PTPRD: variants seen among roughly 807,000 people sequenced by gnomAD.
PTPRD encodes the protein protein tyrosine phosphatase receptor type D.
In PTPRD, 34 loss-of-function variants were observed where a neutral mutation model predicts 214.5. The observed-to-expected ratio is 0.16, with a 90% confidence interval of 0.12 to 0.21. The LOEUF is 0.21. PTPRD is among the 10% of genes least tolerant of loss of function. PTPRD has a pLI of 1.00. For missense variants in PTPRD, 2,545 were observed against 2,398.7 expected, an observed-to-expected ratio of 1.06 and a Z score of -1.27; for synonymous variants, 1,128 against 845.7, an observed-to-expected ratio of 1.33 and a Z score of -5.79.
intron 4 of PTPRD, among the ~76,000 whole-genome samples, chr9:9,990,937 C>CTTTT (rs5896359): frequency 2.5e-4 from 35 of 141,664 alleles, no homozygotes; most frequent in East Asian, 6.2e-4. Context: ...GTAAAATAGT[C>CTTTT]TTTTTTTTTT....
intron 43 of PTPRD, among the ~76,000 whole-genome samples, chr9:8,332,444 T>C (rs896916133): frequency 6.6e-6 from 1 of 152,126 alleles, no homozygotes; most frequent in Non-Finnish European, 1.5e-5. Flanking sequence ...CCAACGACTA[T>C]TAGCAAACAA....
intron 7 of PTPRD, among the ~76,000 whole-genome samples, chr9:9,727,256 C>A (rs908472961): frequency 6.6e-6 from 1 of 151,992 alleles, no homozygotes; most frequent in Admixed American, 6.6e-5. Context: ...TCAAGACCAG[C>A]TTGGGCAACA....
chr9:9,674,418 G>GA (rs1326604990), intron 7 of PTPRD, among the ~76,000 whole-genome samples: 1 of 151,306 alleles, frequency 6.6e-6, no homozygotes, highest in East Asian at 1.9e-4. Flanking sequence ...AAGAAAAAAA[G>GA]AAAAAATGGA....
intron 10 of PTPRD, among the ~76,000 whole-genome samples, chr9:9,049,072 C>T (rs226359): frequency 0.98 from 148,513 of 152,310 alleles, 72,520 homozygotes; most frequent in Middle Eastern, 1. Flanking sequence ...ACCAAGCATC[C>T]AATGATCTGG....
chr9:10,482,341 A>G (rs1457998116), intron 2 of PTPRD, among the ~76,000 whole-genome samples: 1 of 152,130 alleles, frequency 6.6e-6, no homozygotes, highest in Non-Finnish European at 1.5e-5. Context: ...ACTGCACTCC[A>G]GCCTGGGCGA....
chr9:10,258,599 C>T (rs1471426577), intron 3 of PTPRD, among the ~76,000 whole-genome samples: 1 of 152,092 alleles, frequency 6.6e-6, no homozygotes, highest in Non-Finnish European at 1.5e-5. Flanking sequence ...AGTGGCAAGC[C>T]AACAATCATC....
intron 5 of PTPRD, among the ~76,000 whole-genome samples, chr9:9,768,112 G>C (rs2098721222): frequency 6.6e-6 from 1 of 152,016 alleles, no homozygotes; most frequent in African/African-American, 2.4e-5. Flanking sequence ...AAATCCCCTA[G>C]GCCAACTTCT....
At chr9:9,138,172 T>C (rs553362122) in intron 10 of PTPRD, among the ~76,000 whole-genome samples, 35 of 152,136 alleles carry the variant, frequency 2.3e-4, no homozygotes, top group Admixed American at 8.5e-4. Context: ...ACACTGTACC[T>C]AAAAACTTCC....
At chr9:8,568,360 G>A (rs1473233853) in intron 14 of PTPRD, among the ~76,000 whole-genome samples, 3 of 152,048 alleles carry the variant, frequency 2.0e-5, no homozygotes, top group East Asian at 3.9e-4. Flanking sequence ...TCAAGGCAAT[G>A]TGACAGCAAC....
At chr9:9,954,493 C>T (rs73404505) in intron 4 of PTPRD, among the ~76,000 whole-genome samples, 3,675 of 151,606 alleles carry the variant, frequency 0.024, 146 homozygotes, top group African/African-American at 0.083. Flanking sequence ...TTAATAAGAA[C>T]ATTACTTATA....
At chr9:9,276,350 C>T (rs999483001) in intron 9 of PTPRD, among the ~76,000 whole-genome samples, 1 of 151,312 alleles carries the variant, frequency 6.6e-6, no homozygotes, top group Non-Finnish European at 1.5e-5. Flanking sequence ...TTACATGTTA[C>T]ACTTGGCAAC....
intron 14 of PTPRD, among the ~76,000 whole-genome samples, chr9:8,540,921 AG>A (rs1433846320): frequency 6.6e-6 from 1 of 152,172 alleles, no homozygotes; most frequent in Non-Finnish European, 1.5e-5. Flanking sequence ...AAACTGTGGT[AG>A]GTATTTGTTT....
chr9:9,571,203 A>T (rs569482068), intron 8 of PTPRD, among the ~76,000 whole-genome samples: 1 of 151,636 alleles, frequency 6.6e-6, no homozygotes, highest in African/African-American at 2.4e-5. Flanking sequence ...CAAAATTTTT[A>T]AAAATAAACA....
intron 12 of PTPRD, among the ~76,000 whole-genome samples, chr9:8,675,454 T>C (rs1344545085): frequency 1.4e-5 from 2 of 147,346 alleles, no homozygotes; most frequent in African/African-American, 5.1e-5. Flanking sequence ...CCTAAATCTA[T>C]GTAATCCTGT....
intron 7 of PTPRD, among the ~76,000 whole-genome samples, chr9:9,592,844 A>G (rs1333885575): frequency 6.6e-6 from 1 of 152,048 alleles, no homozygotes; most frequent in Non-Finnish European, 1.5e-5. Flanking sequence ...CAGGAGTTCG[A>G]GATCAGTCTG....
intron 7 of PTPRD, among the ~76,000 whole-genome samples, chr9:9,611,077 G>A (rs1348826250): frequency 6.6e-6 from 1 of 151,972 alleles, no homozygotes. Context: ...TGTAAACATC[G>A]TCCTCTATCA....
At chr9:8,718,304 G>T (rs1426558258) in intron 12 of PTPRD, among the ~76,000 whole-genome samples, 1 of 152,064 alleles carries the variant, frequency 6.6e-6, no homozygotes, top group African/African-American at 2.4e-5. Context: ...TAAACTACAA[G>T]CTCTCTAGAG....
chr9:9,031,996 G>T (rs2099607080), intron 10 of PTPRD, among the ~76,000 whole-genome samples: 1 of 150,662 alleles, frequency 6.6e-6, no homozygotes, highest in Admixed American at 6.7e-5. Context: ...GTCTGGTTAG[G>T]TTTTATTTGA....
chr9:9,014,206 T>C (rs1435618075), intron 11 of PTPRD, among the ~76,000 whole-genome samples: 1 of 151,644 alleles, frequency 6.6e-6, no homozygotes. Flanking sequence ...TTTGTTTTTT[T>C]TTTTTTTCTG....
Sources: allele counts gnomAD v4.1 joint callset (sites outside exome capture counted in the v4.1 genomes callset), GRCh38; gene constraint gnomAD v4.1.1; transcripts MANE v1.5; gene names NCBI Gene and HGNC (gene_info 2026-07-23, HGNC 2026-07-21).